SUSD5: variants seen among roughly 807,000 people sequenced by gnomAD.
The protein encoded by SUSD5 is sushi domain containing 5.
A neutral mutation model predicts 29.5 loss-of-function variants in SUSD5; 33 were observed. That is an observed-to-expected ratio of 1.12 (90% CI 0.85 to 1.49). The LOEUF (loss-of-function observed/expected upper bound fraction) is 1.49, where lower values mean the gene tolerates loss of function less well. Ranked by LOEUF, SUSD5 falls within the 40% of genes most tolerant of loss-of-function variation. The pLI is 0.00. For synonymous variants in SUSD5, 308 were observed against 325.3 expected (o/e 0.95, Z 0.57); for missense variants, 776 against 800.6 (o/e 0.97, Z 0.37).
intron 4 of SUSD5, among the ~76,000 whole-genome samples, chr3:33,173,461 C>A (rs1328040233): frequency 6.6e-6 from 1 of 152,162 alleles, no homozygotes; most frequent in Non-Finnish European, 1.5e-5. Flanking sequence ...TGAAAATAAG[C>A]AAAATGTCCA....
chr3:33,182,273 CTG>C (rs1453938278), intron 3 of SUSD5, among the ~76,000 whole-genome samples: 1 of 152,202 alleles, frequency 6.6e-6, no homozygotes, highest in African/African-American at 2.4e-5. Context: ...CTTAATTCCA[CTG>C]TGGTCTGAGA....
intron 3 of SUSD5, among the ~76,000 whole-genome samples, chr3:33,177,141 T>A (rs905672651): frequency 6.6e-6 from 1 of 152,210 alleles, no homozygotes; most frequent in Non-Finnish European, 1.5e-5. Flanking sequence ...AGGTTGCAAA[T>A]TTTTTTGTGT....
At chr3:33,179,170 T>C (rs2031615143) in intron 3 of SUSD5, among the ~76,000 whole-genome samples, 1 of 152,232 alleles carries the variant, frequency 6.6e-6, no homozygotes, top group Non-Finnish European at 1.5e-5. Context: ...TGGGACAATT[T>C]AATGTAGGTT....
At chr3:33,192,073 G>C (rs1305318779) in intron 3 of SUSD5, among the ~76,000 whole-genome samples, 1 of 144,014 alleles carries the variant, frequency 6.9e-6, no homozygotes, top group Admixed American at 7.0e-5. Context: ...TTATATTAAT[G>C]CGCATATTTT....
At chr3:33,196,207 G>C (rs1022543483) in intron 3 of SUSD5, among the ~76,000 whole-genome samples, 2 of 152,158 alleles carry the variant, frequency 1.3e-5, no homozygotes, top group Non-Finnish European at 2.9e-5. Context: ...AATTGGAATT[G>C]AATGCCACCT....
At chr3:33,175,930 T>C (rs1248899907) in intron 3 of SUSD5, among the ~76,000 whole-genome samples, 2 of 152,200 alleles carry the variant, frequency 1.3e-5, no homozygotes, top group Non-Finnish European at 2.9e-5. Flanking sequence ...AAATGCACAG[T>C]GACACATATC....
At chr3:33,180,373 T>G (rs994275553) in intron 3 of SUSD5, among the ~76,000 whole-genome samples, 4 of 147,500 alleles carry the variant, frequency 2.7e-5, no homozygotes, top group African/African-American at 9.9e-5. Context: ...AAAAAAAAAT[T>G]TTTTTGAGAC....
intron 3 of SUSD5, among the ~76,000 whole-genome samples, chr3:33,199,093 C>A (rs1410099781): frequency 2.0e-5 from 3 of 152,100 alleles, no homozygotes; most frequent in African/African-American, 7.2e-5. Flanking sequence ...ATGCGCACTA[C>A]TAAAAAAATC....
chr3:33,153,344 C>T lies in SUSD5; in HGVS notation c.1288G>A (p.Gly430Ser), dbSNP rs979618442. The change falls in exon 5 of 5, where the codon GGC (glycine) becomes AGC (serine). Residue 430 changes from glycine to serine, a missense_variant. Transcript: ENST00000309558. The stretch of plus-strand genomic sequence containing the variant: ...GGAAGAACTGAACTATGGGTCATGC[C>T]CTCGCTTGGTGTGAGGGTGCTACTC... The part of the protein sequence containing the change: ...PKSSTLTPSE[G>S]MTHSSVLPSQ... 2 of 1,613,882 alleles carry T rather than the reference C, an allele frequency of 1.2e-6. No homozygotes were observed. The highest frequency in any genetic ancestry group is 1.7e-6 in the Non-Finnish European group (2 of 1,179,856).
At chr3:33,194,553 G>T (rs187513346) in intron 3 of SUSD5, among the ~76,000 whole-genome samples, 1 of 152,284 alleles carries the variant, frequency 6.6e-6, no homozygotes, top group Admixed American at 6.5e-5. Flanking sequence ...CATGTTTCAA[G>T]GAAGTGTGTG....
intron 4 of SUSD5, among the ~76,000 whole-genome samples, chr3:33,164,506 A>AT (rs371778977): frequency 3.9e-5 from 6 of 152,120 alleles, no homozygotes; most frequent in Non-Finnish European, 7.4e-5. Context: ...TTTTATCACA[A>AT]TTTTTTTAAA....
At chr3:33,187,502 C>T (rs1374649009) in intron 3 of SUSD5, among the ~76,000 whole-genome samples, 3 of 152,160 alleles carry the variant, frequency 2.0e-5, no homozygotes, top group Non-Finnish European at 2.9e-5. Context: ...GCCAAAAACA[C>T]CACTCATATC....
chr3:33,155,545 C>T (rs1274002720), intron 4 of SUSD5, among the ~76,000 whole-genome samples: 1 of 152,174 alleles, frequency 6.6e-6, no homozygotes, highest in African/African-American at 2.4e-5. Context: ...CACAGCAATT[C>T]CACTCCTAAA....
chr3:33,204,817 C>G lies in SUSD5; in HGVS notation c.409+2991G>C, dbSNP rs1337356302. ...CATGCACCACTACATCTGGCTACAG[C>G]CTGAGCTTTTTGAGATTTTAAAATT... On this transcript the variant is annotated intron_variant, in intron 3 of 4. Coordinates refer to ENST00000309558, the MANE Select transcript of SUSD5 (RefSeq NM_015551.2). The surrounding 1 kb of genome is among the most constrained non-coding windows in gnomAD (Gnocchi z 4.5). 6.6e-6 allele frequency among the ~76,000 whole-genome samples: 1 copy of G among 152,032 alleles called. No homozygotes were observed. The highest frequency in any genetic ancestry group is 2.4e-5 in the African/African-American group (1 of 41,392).
At position 33,153,356 on chromosome 3, in the gene SUSD5, T is replaced by C; in HGVS notation, c.1276A>G (p.Thr426Ala). The C allele has an allele frequency of 6.2e-7, 1 of 1,613,872 alleles. No individual in the cohort carries two copies. The change falls in exon 5 of 5, where the codon ACA (threonine) becomes GCA (alanine). Residue 426 changes from threonine (T) to alanine (A), a missense_variant. Transcript: ENST00000309558. ...EVKKPKSSTL[T>A]PSEGMTHSSV... ...CTATGGGTCATGCCCTCGCTTGGTG[T>C]GAGGGTGCTACTCTTGGGCTTCTTA...
chr3:33,213,099 TCTTTTTATTA>T (rs780857897), intron 2 of SUSD5, among the ~76,000 whole-genome samples: 4 of 152,206 alleles, frequency 2.6e-5, no homozygotes, highest in Non-Finnish European at 4.4e-5. Context: ...AAGCATGTAT[TCTTTTTATTA>T]CTTAAAAAAA....
At position 33,217,702 on chromosome 3, in the gene SUSD5, T is replaced by C. The variant is rs112884999; in HGVS notation, c.112+984A>G. On this transcript the variant is annotated intron_variant, in intron 1 of 4. Transcript: ENST00000309558. ...CCTGACAACCATGCTTTTTTTTTTTTTCCCCATGTCTTCTAGTTTCACTCA... is the reference window on the plus strand; with the variant it reads ...CCTGACAACCATGCTTTTTTTTTTTCTCCCCATGTCTTCTAGTTTCACTCA... Among the ~76,000 whole-genome samples the C allele has an allele frequency of 2.0e-4, 30 of 152,158 alleles. 2 individuals are homozygous for C. The highest frequency in any genetic ancestry group is 7.7e-4 in the East Asian group (4 of 5,184).
chr3:33,174,855 C>T (rs772964497), intron 4 of SUSD5, 31 bp downstream of exon 4: 3 of 1,609,742 alleles, frequency 1.9e-6, no homozygotes, highest in Admixed American at 1.7e-5. Context: ...TGCGTGGGCA[C>T]GCGAAGGTGG....
intron 4 of SUSD5, among the ~76,000 whole-genome samples, chr3:33,164,813 A>G (rs2031270939): frequency 6.6e-6 from 1 of 152,248 alleles, no homozygotes; most frequent in Non-Finnish European, 1.5e-5. Context: ...TGACATCACA[A>G]CATACCCATC....
Sources: allele counts gnomAD v4.1 joint callset (sites outside exome capture counted in the v4.1 genomes callset), GRCh38; gene constraint gnomAD v4.1.1; non-coding constraint Gnocchi (gnomAD v3.1); transcripts MANE v1.5; gene names NCBI Gene and HGNC (gene_info 2026-07-23, HGNC 2026-07-21).